The following JOSD1 variants were observed in gnomAD, a reference collection of about 807,000 sequenced individuals.
JOSD1 encodes Josephin domain containing 1, also known as josephin-1.
JOSD1 carries 11 observed loss-of-function variants against 24.3 expected under a neutral mutation model. The observed-to-expected ratio is 0.45, with a 90% CI of 0.29 to 0.75. The LOEUF (loss-of-function observed/expected upper bound fraction) is 0.75. Ranked by LOEUF, JOSD1 falls within the 30% of genes least tolerant of loss-of-function variation. JOSD1 has a pLI of 0.11. For synonymous variants in JOSD1, 106 were observed against 93.8 expected (o/e 1.13, Z -0.75); for missense variants, 184 against 253.5 (o/e 0.73, Z 1.86).
chr22:38,691,353 T>C (rs1304677012), intron 2 of JOSD1, among the ~76,000 whole-genome samples: 4 of 142,534 alleles, frequency 2.8e-5, no homozygotes. Context: ...TAAGACCCTG[T>C]CTCAAAAAAA....
chr22:38,693,431 G>A (rs940717394), intron 2 of JOSD1, among the ~76,000 whole-genome samples: 153 of 152,210 alleles, frequency 1.0e-3, no homozygotes, highest in African/African-American at 3.6e-3. Flanking sequence ...CTATGTTCCT[G>A]CCAAATTCAC....
Position 38,686,256 on chromosome 22 carries a change from T to G in JOSD1, c.*1646A>C, listed in dbSNP as rs2092497296. The G allele has an allele frequency of 6.6e-6, 1 of 152,542 alleles. No individual in the cohort carries two copies. The highest frequency in any genetic ancestry group is 1.5e-5 in the Non-Finnish European group (1 of 68,034). The allele number at this position is 152,542 out of a possible 1,614,324, so 9.4% of individuals were successfully genotyped here. Reference sequence around the variant, plus strand: ...GGCCTTGTTGGATTGAAGATACATGTGCAGAAAAAGTGCTGGTGTCAACAT... The same window carrying G: ...GGCCTTGTTGGATTGAAGATACATGGGCAGAAAAAGTGCTGGTGTCAACAT... On this transcript the variant is annotated 3_prime_UTR_variant, in exon 5 of 5. Coordinates refer to ENST00000683374, the MANE Select transcript of JOSD1 (RefSeq NM_001360236.2).
At chr22:38,701,093 G>A (rs2092568665), upstream of JOSD1, 4 of 580,880 alleles carry the variant, frequency 6.9e-6, no homozygotes, top group Non-Finnish European at 8.7e-6. Flanking sequence ...CGGCCTGGGA[G>A]CCGCAGACGC....
upstream of JOSD1, chr22:38,700,975 ACGTCAGCGGCCCCCGCCCG>A: frequency 1.0e-6 from 1 of 984,640 alleles, no homozygotes; most frequent in Non-Finnish European, 1.2e-6. Flanking sequence ...CCTGAGCCCG[ACGTCAGCGGCCCCCGCCCG>A]GCGCGTGCTC....
Position 38,700,012 on chromosome 22 carries a change from T to G in JOSD1, c.-25A>C, listed in dbSNP as rs2092561596. 6.4e-7 allele frequency: 1 copy of G among 1,569,856 alleles called. No individual in the cohort carries two copies. The highest frequency in any genetic ancestry group is 8.6e-7 in the Non-Finnish European group (1 of 1,158,476). ...TGTTTTTTGTTTTAGGTTCCAGAGA[T>G]GGCTATAAACACCCCACTCTTCCCT... On this transcript the variant is annotated 5_prime_UTR_variant, in exon 2 of 5. Coordinates refer to ENST00000683374, the MANE Select transcript of JOSD1 (RefSeq NM_001360236.2).
At chr22:38,700,944 C>G, upstream of JOSD1, 1 of 984,744 alleles carries the variant, frequency 1.0e-6, no homozygotes, top group South Asian at 4.7e-5. Context: ...GCCAACTGGG[C>G]CGTGCGGGCG....
chr22:38,700,952 G>A (rs898192731), upstream of JOSD1: 7 of 984,732 alleles, frequency 7.1e-6, no homozygotes, highest in Admixed American at 6.2e-5. Flanking sequence ...GGCCGTGCGG[G>A]CGGGCGCGCG....
At position 38,689,428 on chromosome 22, in the gene JOSD1, C is replaced by T; in HGVS notation, c.186-4G>A. ...CACCATGGTGTTTGGAGACAACCTACCAATGTGAAAAGAGGAGGGCTGAGA... is the reference window on the plus strand; with the variant it reads ...CACCATGGTGTTTGGAGACAACCTATCAATGTGAAAAGAGGAGGGCTGAGA... On this transcript the variant is annotated splice_polypyrimidine_tract_variant and splice_region_variant and intron_variant, in intron 2 of 4. Transcript: ENST00000683374. The T allele has an allele frequency of 6.2e-7, 1 of 1,614,130 alleles. No homozygotes were observed. The highest frequency in any genetic ancestry group is 8.5e-7 in the Non-Finnish European group (1 of 1,180,022).
At chr22:38,689,743 C>T (rs1483393140) in intron 2 of JOSD1, among the ~76,000 whole-genome samples, 1 of 151,660 alleles carries the variant, frequency 6.6e-6, no homozygotes, top group Non-Finnish European at 1.5e-5. Flanking sequence ...TAACTGGTGT[C>T]ACTCCTGCTT....
In JOSD1 at chr22:38,685,675, A is replaced by G. The variant is rs1277147074; in HGVS notation, c.*2227T>C. 2 of 152,652 alleles carry G rather than the reference A, an allele frequency of 1.3e-5. No individual in the cohort carries two copies. Among genetic ancestry groups the G allele is most frequent in the Non-Finnish European group, 2.9e-5 (2 of 68,040 alleles). The allele number at this position is 152,652 out of a possible 1,614,324, so 9.5% of individuals were successfully genotyped here. ...AACAAAATACATCTTTTGTAAACAA[A>G]CGCAGCACAAGGCCAACAACAAAAA... is the stretch of plus-strand genomic sequence containing the variant. On this transcript the variant is annotated 3_prime_UTR_variant, in exon 5 of 5. Transcript: ENST00000683374.
At chr22:38,691,040 AAAAC>A (rs1330469846) in intron 2 of JOSD1, among the ~76,000 whole-genome samples, 2 of 152,114 alleles carry the variant, frequency 1.3e-5, no homozygotes, top group East Asian at 1.9e-4. Flanking sequence ...TCCGTCTCAA[AAAAC>A]AAACCAACAA....
chr22:38,700,702 T>G (rs2092565424), intron 1 of JOSD1, 84 bp from the exon 2 acceptor site: 5 of 977,848 alleles, frequency 5.1e-6, no homozygotes, highest in Non-Finnish European at 4.9e-6. Context: ...GAGGGAAGGT[T>G]CCGCGCGGCG....
chr22:38,698,542 C>T (rs977336915), intron 2 of JOSD1, among the ~76,000 whole-genome samples: 1 of 152,158 alleles, frequency 6.6e-6, no homozygotes, highest in Non-Finnish European at 1.5e-5. Flanking sequence ...AAAAGGTCTT[C>T]TGGAATTGCT....
rs757659206 is a variant in JOSD1 at position 38,700,036 on chromosome 22, C to T, written c.-49G>A. The T allele has an allele frequency of 3.8e-5, 58 of 1,528,304 alleles. No homozygotes were observed. The highest frequency in any genetic ancestry group is 2.4e-4 in the Admixed American group (11 of 45,418). The allele number at this position is 1,528,304 out of a possible 1,614,324, so 94.7% of individuals were successfully genotyped here. A position where few individuals can be genotyped will look rare whatever the true frequency, so the allele number is the denominator to read the frequency against. On this transcript the variant is annotated 5_prime_UTR_variant, in exon 2 of 5. Coordinates refer to ENST00000683374, the MANE Select transcript of JOSD1 (RefSeq NM_001360236.2). ...ATGGCTATAAACACCCCACTCTTCC[C>T]TCTAGAGGAAGAATGTAAGCTTCTC...
At chr22:38,696,295 T>C (rs1313636350) in intron 2 of JOSD1, among the ~76,000 whole-genome samples, 1 of 151,650 alleles carries the variant, frequency 6.6e-6, no homozygotes, top group East Asian at 1.9e-4. Flanking sequence ...TACAGTACAG[T>C]GGTGCGATCT....
chr22:38,693,864 T>C (rs2092533729), intron 2 of JOSD1, among the ~76,000 whole-genome samples: 1 of 152,050 alleles, frequency 6.6e-6, no homozygotes, highest in Non-Finnish European at 1.5e-5. Flanking sequence ...TCTGAGTTCA[T>C]ATCCTAGCAC....
At chr22:38,695,221 A>G (rs905931147) in intron 2 of JOSD1, among the ~76,000 whole-genome samples, 8 of 152,168 alleles carry the variant, frequency 5.3e-5, no homozygotes, top group Non-Finnish European at 8.8e-5. Context: ...AAGAGAATTC[A>G]AGTCTCTAGA....
chr22:38,695,300 G>A lies in JOSD1; in HGVS notation c.185+4503C>T, dbSNP rs541877152. On this transcript the variant is annotated intron_variant, in intron 2 of 4. Transcript: ENST00000683374. ...CTTCTAAATGTGGCCCCTTCCACCTGCTCAAGGACTATGTAATGGGGAGGC... is the reference window on the plus strand; with the variant it reads ...CTTCTAAATGTGGCCCCTTCCACCTACTCAAGGACTATGTAATGGGGAGGC... Among the ~76,000 whole-genome samples the A allele has an allele frequency of 7.2e-5, 11 of 152,270 alleles. No homozygotes were observed. In the East Asian group the frequency reaches 1.9e-3, roughly 27 times the overall value.
At chr22:38,689,522 T>C in intron 2 of JOSD1, 98 bp from the exon 3 acceptor site, 2 of 1,468,736 alleles carry the variant, frequency 1.4e-6, no homozygotes, top group Non-Finnish European at 1.8e-6. Flanking sequence ...TCACTGCCCC[T>C]GGAAGTTAGT....
Sources: gnomAD v4.1 joint callset for allele counts (sites outside exome capture counted in the v4.1 genomes callset) on GRCh38, gnomAD v4.1.1 for gene constraint, MANE v1.5 for transcripts, NCBI Gene and HGNC (gene_info 2026-07-23, HGNC 2026-07-21) for gene names.